KCND2: variants seen among roughly 807,000 people sequenced by gnomAD.
KCND2 encodes A-type voltage-gated potassium channel KCND2.
A neutral mutation model predicts 54.4 loss-of-function variants in KCND2; 16 were observed. The ratio of observed to expected loss-of-function variants is 0.29; its 90% CI spans 0.20 to 0.45. KCND2 has a LOEUF of 0.45. Ranked by LOEUF, KCND2 falls within the 20% of genes least tolerant of loss-of-function variation. The pLI, the probability that KCND2 is intolerant of heterozygous loss-of-function variation, is 1.00. For missense variants in KCND2, 486 were observed against 824.2 expected, an observed-to-expected ratio of 0.59 and a Z score of 5.02; for synonymous variants, 317 against 310.7, an observed-to-expected ratio of 1.02 and a Z score of -0.21.
At chr7:120,663,364 C>G (rs1791888888) in intron 1 of KCND2, among the ~76,000 whole-genome samples, 1 of 152,050 alleles carries the variant, frequency 6.6e-6, no homozygotes, top group African/African-American at 2.4e-5. Flanking sequence ...TGCCTCCCAC[C>G]TGCTTTAGTT....
At chr7:120,453,416 C>T (rs778306084) in intron 1 of KCND2, among the ~76,000 whole-genome samples, 3 of 152,212 alleles carry the variant, frequency 2.0e-5, no homozygotes, top group Non-Finnish European at 4.4e-5. Flanking sequence ...CCCATCCTCC[C>T]TGTACCACCA....
At chr7:120,633,015 T>A (rs1213459878) in intron 1 of KCND2, among the ~76,000 whole-genome samples, 1 of 152,164 alleles carries the variant, frequency 6.6e-6, no homozygotes, top group Admixed American at 6.5e-5. Flanking sequence ...CAGAAATAAT[T>A]CCACAGTTAA....
At chr7:120,396,606 A>C (rs541588809) in intron 1 of KCND2, among the ~76,000 whole-genome samples, 2 of 152,034 alleles carry the variant, frequency 1.3e-5, no homozygotes, top group Non-Finnish European at 2.9e-5. Context: ...TGGAAAACAG[A>C]GGGACTTAGA....
intron 1 of KCND2, among the ~76,000 whole-genome samples, chr7:120,674,198 C>T (rs1223545298): frequency 6.6e-6 from 1 of 152,098 alleles, no homozygotes; most frequent in Non-Finnish European, 1.5e-5. Flanking sequence ...GCCACTACGC[C>T]CAGCCACCTG....
chr7:120,593,133 C>A (rs1792691959), intron 1 of KCND2, among the ~76,000 whole-genome samples: 1 of 152,042 alleles, frequency 6.6e-6, no homozygotes, highest in Non-Finnish European at 1.5e-5. Context: ...TCTATGAAAA[C>A]CCTATTTCGT....
At chr7:120,626,785 G>T (rs1403636156) in intron 1 of KCND2, among the ~76,000 whole-genome samples, 5 of 152,060 alleles carry the variant, frequency 3.3e-5, no homozygotes, top group Non-Finnish European at 7.4e-5. Flanking sequence ...TTAGATTATA[G>T]TTTCTTCCCT....
chr7:120,668,906 C>T (rs1791959143), intron 1 of KCND2, among the ~76,000 whole-genome samples: 2 of 151,838 alleles, frequency 1.3e-5, no homozygotes, highest in South Asian at 4.1e-4. Context: ...TATCTAGGAC[C>T]AGTTACAAAA....
At chr7:120,495,617 A>G (rs1174026253) in intron 1 of KCND2, among the ~76,000 whole-genome samples, 1 of 152,222 alleles carries the variant, frequency 6.6e-6, no homozygotes, top group Non-Finnish European at 1.5e-5. Flanking sequence ...TAGATTTGTC[A>G]TTGGTAGATT....
At chr7:120,315,765 A>AGTGTGTGT (rs59537613) in intron 1 of KCND2, among the ~76,000 whole-genome samples, 5 of 137,516 alleles carry the variant, frequency 3.6e-5, no homozygotes, top group African/African-American at 1.1e-4. Context: ...TTCCATAAGC[A>AGTGTGTGT]GTGTGTGTGT....
At chr7:120,539,296 T>C (rs1164430996) in intron 1 of KCND2, among the ~76,000 whole-genome samples, 2 of 152,236 alleles carry the variant, frequency 1.3e-5, no homozygotes, top group Non-Finnish European at 2.9e-5. Context: ...GAGACATCTC[T>C]GGCAGCCAGC....
At chr7:120,425,370 C>T (rs778261910) in intron 1 of KCND2, among the ~76,000 whole-genome samples, 17 of 152,302 alleles carry the variant, frequency 1.1e-4, no homozygotes, top group African/African-American at 2.2e-4. Flanking sequence ...GCCACAGATA[C>T]GTGATGCCTG....
chr7:120,285,926 G>C (rs552417515), intron 1 of KCND2, among the ~76,000 whole-genome samples: 1 of 151,884 alleles, frequency 6.6e-6, no homozygotes, highest in Non-Finnish European at 1.5e-5. Flanking sequence ...TAAGTAAAGT[G>C]CCTATCAATT....
chr7:120,591,864 C>G (rs76213755), intron 1 of KCND2, among the ~76,000 whole-genome samples: 1 of 152,056 alleles, frequency 6.6e-6, no homozygotes, highest in Non-Finnish European at 1.5e-5. Context: ...TTAATTCCTT[C>G]GACGTAATAG....
chr7:120,742,617 T>TAAG lies in KCND2; in HGVS notation c.1467+15_1467+16insAAG. ...AAAAAACCACGGTAAGGAGACAGCA[T>TAAG]GACTGCCTTCCCTTGCTCTCTGACA... On this transcript the variant is annotated intron_variant, in intron 4 of 5. Transcript: ENST00000331113. 1.3e-6 allele frequency: 2 copies of TAAG among 1,591,682 alleles called. No homozygotes were observed. Among genetic ancestry groups the TAAG allele is most frequent in the East Asian group, 4.5e-5 (2 of 44,696 alleles).
chr7:120,296,206 A>C (rs76492737), intron 1 of KCND2, among the ~76,000 whole-genome samples: 4,268 of 152,106 alleles, frequency 0.028, 93 homozygotes, highest in Non-Finnish European at 0.047. Flanking sequence ...GATATGTAAA[A>C]ATTTTAAGTG....
At chr7:120,528,823 A>G (rs1313174790) in intron 1 of KCND2, among the ~76,000 whole-genome samples, 4 of 152,144 alleles carry the variant, frequency 2.6e-5, no homozygotes, top group Admixed American at 2.0e-4. Context: ...CTTAACTTCA[A>G]TGTGCTGACC....
intron 1 of KCND2, among the ~76,000 whole-genome samples, chr7:120,479,045 A>G (rs983359237): frequency 1.3e-5 from 2 of 152,180 alleles, no homozygotes; most frequent in African/African-American, 2.4e-5. Flanking sequence ...GTAGGGAACA[A>G]TTGAAATAAA....
intron 1 of KCND2, among the ~76,000 whole-genome samples, chr7:120,444,914 G>A (rs1417636830): frequency 1.3e-5 from 2 of 151,972 alleles, no homozygotes; most frequent in African/African-American, 2.4e-5. Flanking sequence ...GTGGAAGCAC[G>A]ACCTCAACTG....
intron 1 of KCND2, among the ~76,000 whole-genome samples, chr7:120,625,121 A>G (rs1192602473): frequency 6.6e-6 from 1 of 152,202 alleles, no homozygotes; most frequent in Admixed American, 6.5e-5. Flanking sequence ...ACTATAGTAT[A>G]TAGCTGCCAT....
Sources: gnomAD v4.1 joint callset for allele counts (sites outside exome capture counted in the v4.1 genomes callset) on GRCh38, gnomAD v4.1.1 for gene constraint, MANE v1.5 for transcripts, NCBI Gene and HGNC (gene_info 2026-07-23, HGNC 2026-07-21) for gene names.